RETREG1: variants seen among roughly 807,000 people sequenced by gnomAD.
RETREG1 encodes the protein family with sequence similarity 134 member B.
Under a neutral mutation model 54.8 loss-of-function variants are expected in RETREG1, and 44 were observed. The ratio of observed to expected loss-of-function variants is 0.80; its 90% CI spans 0.63 to 1.03. The LOEUF is 1.03. Ranked by LOEUF, RETREG1 falls within the 50% of genes least tolerant of loss-of-function variation. RETREG1 has a pLI of 0.00. For synonymous variants in RETREG1, 217 were observed against 238.5 expected, an observed-to-expected ratio of 0.91 and a Z score of 0.83; for missense variants, 554 against 605.1, an observed-to-expected ratio of 0.92 and a Z score of 0.89.
At position 16,473,336 on chromosome 5, in the gene RETREG1, T is replaced by C. The variant is rs1738380747; in HGVS notation, c.*1405A>G. The C allele has an allele frequency of 6.6e-6, 1 of 152,604 alleles. No individual in the cohort carries two copies. The highest frequency in any genetic ancestry group is 2.1e-4 in the South Asian group (1 of 4,832). The allele number at this position is 152,604 out of a possible 1,614,324, so 9.5% of individuals were successfully genotyped here. On this transcript the variant is annotated 3_prime_UTR_variant, in exon 9 of 9. Transcript: ENST00000306320. ...AACATTTGGCAAAACTCAGTCCAGA[T>C]ATTTTAATACCTCAGAAAGAAAAAA... is the stretch of plus-strand genomic sequence containing the variant.
chr5:16,616,908 G>GCTCCTCGGCGGCAGGAGCCGGGCATCC lies in RETREG1; in HGVS notation c.37_63dup (p.Gly13_Glu21dup). 4.1e-6 allele frequency: 6 copies of GCTCCTCGGCGGCAGGAGCCGGGCATCC among 1,478,954 alleles called. No individual in the cohort carries two copies. The highest frequency in any genetic ancestry group is 1.5e-5 in the African/African-American group (1 of 68,260). 91.6% of individuals were successfully genotyped at this position (1,478,954 alleles called of 1,614,324 possible). On this transcript the variant is annotated inframe_insertion, in exon 1 of 9. Transcript: ENST00000306320. The stretch of plus-strand genomic sequence containing the variant: ...GGCGGTGGCGGCGACGGCGGCGCCT[G>GCTCCTCGGCGGCAGGAGCCGGGCATCC]CTCCTCGGCGGCAGGAGCCGGGCAT...
At chr5:16,600,491 A>G (rs1364918623) in intron 1 of RETREG1, among the ~76,000 whole-genome samples, 1 of 152,218 alleles carries the variant, frequency 6.6e-6, no homozygotes, top group East Asian at 1.9e-4. Context: ...CGCTGAGAAC[A>G]GGGAGCTGAT....
At chr5:16,547,829 AAG>A (rs1426803971) in intron 3 of RETREG1, among the ~76,000 whole-genome samples, 1 of 152,196 alleles carries the variant, frequency 6.6e-6, no homozygotes, top group African/African-American at 2.4e-5. Context: ...CTGGTTTTGA[AAG>A]AGGGAGAAAT....
At chr5:16,571,965 T>C (rs777060143) in intron 2 of RETREG1, 31 bp downstream of exon 2, 2 of 1,509,112 alleles carry the variant, frequency 1.3e-6, no homozygotes, top group Non-Finnish European at 9.2e-7. Context: ...GAAAATTAAA[T>C]ACCATATAAA....
chr5:16,615,216 T>C (rs1743464528), intron 1 of RETREG1, among the ~76,000 whole-genome samples: 1 of 151,466 alleles, frequency 6.6e-6, no homozygotes, highest in Non-Finnish European at 1.5e-5. Flanking sequence ...GCTAACACGG[T>C]GAAACCCCGT....
At chr5:16,568,415 G>A (rs752330383) in intron 2 of RETREG1, among the ~76,000 whole-genome samples, 2 of 151,930 alleles carry the variant, frequency 1.3e-5, no homozygotes, top group Non-Finnish European at 2.9e-5. Context: ...GGGATTACAG[G>A]TGCCCACCAC....
intron 3 of RETREG1, among the ~76,000 whole-genome samples, chr5:16,506,738 T>C (rs944782778): frequency 1.3e-5 from 2 of 152,160 alleles, no homozygotes; most frequent in African/African-American, 4.8e-5. Flanking sequence ...CTGTCTGGGA[T>C]GCCCCTTCTT....
At chr5:16,507,782 CCA>C (rs1740015871) in intron 3 of RETREG1, among the ~76,000 whole-genome samples, 1 of 152,290 alleles carries the variant, frequency 6.6e-6, no homozygotes, top group Admixed American at 6.5e-5. Context: ...TAGAGAGTTA[CCA>C]GTTTCCACTT....
intron 3 of RETREG1, among the ~76,000 whole-genome samples, chr5:16,541,793 G>GA (rs1554020861): frequency 5.5e-5 from 8 of 146,788 alleles, no homozygotes; most frequent in African/African-American, 1.8e-4. Flanking sequence ...AGGAAGGAAG[G>GA]AAGGAAAGGA....
At chr5:16,478,710 T>C (rs1738640623) in intron 6 of RETREG1, 140 bp downstream of exon 6, 1 of 745,048 alleles carries the variant, frequency 1.3e-6, no homozygotes, top group African/African-American at 1.8e-5. Context: ...AGGATATATA[T>C]AACTTTGAGG....
chr5:16,598,999 C>T (rs574924982), intron 1 of RETREG1, among the ~76,000 whole-genome samples: 124 of 152,222 alleles, frequency 8.1e-4, no homozygotes, highest in African/African-American at 2.9e-3. Flanking sequence ...CAGGCTGGCT[C>T]AATCAGGAGT....
chr5:16,608,092 C>A (rs1743245461), intron 1 of RETREG1, among the ~76,000 whole-genome samples: 2 of 152,064 alleles, frequency 1.3e-5, no homozygotes, highest in African/African-American at 4.8e-5. Flanking sequence ...GTTGGCCAGG[C>A]TGGTCTTGAA....
intron 3 of RETREG1, among the ~76,000 whole-genome samples, chr5:16,524,348 A>G (rs1253404895): frequency 6.6e-6 from 1 of 152,208 alleles, no homozygotes; most frequent in Non-Finnish European, 1.5e-5. Flanking sequence ...TCACTTTGGT[A>G]AAATCTCCGA....
At chr5:16,513,377 G>T (rs1740242668) in intron 3 of RETREG1, among the ~76,000 whole-genome samples, 1 of 152,198 alleles carries the variant, frequency 6.6e-6, no homozygotes, top group African/African-American at 2.4e-5. Context: ...CCTTACAAAA[G>T]GCAAATGGAC....
intron 3 of RETREG1, among the ~76,000 whole-genome samples, chr5:16,547,922 A>G (rs959593995): frequency 2.0e-5 from 3 of 152,220 alleles, no homozygotes; most frequent in African/African-American, 7.2e-5. Flanking sequence ...AGCAACACCA[A>G]CAAAACACTG....
chr5:16,614,188 C>T (rs1460279262), intron 1 of RETREG1, among the ~76,000 whole-genome samples: 1 of 152,120 alleles, frequency 6.6e-6, no homozygotes, highest in Non-Finnish European at 1.5e-5. Flanking sequence ...TCAAATATGC[C>T]TTTCAATTAT....
chr5:16,523,850 T>C (rs1420195697), intron 3 of RETREG1, among the ~76,000 whole-genome samples: 1 of 152,226 alleles, frequency 6.6e-6, no homozygotes, highest in Non-Finnish European at 1.5e-5. Context: ...TCACATACTT[T>C]GGGCGGTAAT....
rs1462767372 is a variant in RETREG1 at position 16,573,751 on chromosome 5, T to G, written c.321-1649A>C. ...GGTTTGTTTGTTTTTTGTTTTTTTTTTTTTTTTTTTGAGATGGAGTTTCAC... is the reference window on the plus strand; with the variant it reads ...GGTTTGTTTGTTTTTTGTTTTTTTTGTTTTTTTTTTGAGATGGAGTTTCAC... On this transcript the variant is annotated intron_variant, in intron 1 of 8. Coordinates refer to ENST00000306320, the MANE Select transcript of RETREG1 (RefSeq NM_001034850.3). 7.6e-3 allele frequency among the ~76,000 whole-genome samples: 1,125 copies of G among 147,490 alleles called. 20 individuals are homozygous for G. The highest frequency in any genetic ancestry group is 0.026 in the African/African-American group (1,059 of 40,702).
chr5:16,603,011 AAAAC>A (rs372631721), intron 1 of RETREG1, among the ~76,000 whole-genome samples: 100 of 152,310 alleles, frequency 6.6e-4, no homozygotes, highest in African/African-American at 1.3e-3. Context: ...TCTGTCTCAA[AAAAC>A]AAACAAACAA....
Sources: gnomAD v4.1 joint callset for allele counts (sites outside exome capture counted in the v4.1 genomes callset) on GRCh38, gnomAD v4.1.1 for gene constraint, MANE v1.5 for transcripts, NCBI Gene and HGNC (gene_info 2026-07-23, HGNC 2026-07-21) for gene names.